The following ABCA12 variants were observed in gnomAD, a reference collection of about 807,000 sequenced individuals.
The protein encoded by ABCA12 is ATP binding cassette subfamily A member 12.
In ABCA12, 156 loss-of-function variants were observed where a neutral mutation model predicts 293.5. The observed-to-expected ratio is 0.53, with a 90% CI of 0.47 to 0.61. The LOEUF (loss-of-function observed/expected upper bound fraction) is 0.61. Ranked by LOEUF, ABCA12 falls within the 20% of genes least tolerant of loss-of-function variation. The probability of loss-of-function intolerance (pLI) is 0.00; values close to 1 mark genes in which losing one functional copy is unlikely to be tolerated. For synonymous variants in ABCA12, 1,063 were observed against 1,108.0 expected (o/e 0.96, Z 0.81); for missense variants, 2,797 against 3,090.2 (o/e 0.91, Z 2.25).
intron 19 of ABCA12, among the ~76,000 whole-genome samples, chr2:215,006,735 T>C (rs1321776920): frequency 6.6e-6 from 1 of 152,144 alleles, no homozygotes; most frequent in Non-Finnish European, 1.5e-5. Context: ...TCCTAGGTTG[T>C]CACCATTCCT....
chr2:215,014,785 T>C (rs1382847568), intron 15 of ABCA12, among the ~76,000 whole-genome samples: 1 of 152,218 alleles, frequency 6.6e-6, no homozygotes, highest in Non-Finnish European at 1.5e-5. Flanking sequence ...AGCTATTTCC[T>C]TTTGGTTGTG....
At position 214,959,073 on chromosome 2, in the gene ABCA12, T is replaced by TC; in HGVS notation, c.5889_5890insG (p.Ile1964AspfsTer4). On this transcript the variant is annotated frameshift_variant, in exon 40 of 53. Transcript: ENST00000272895. LOFTEE classifies it high-confidence loss of function. The stretch of plus-strand genomic sequence containing the variant: ...CCTGGATAAGGATGGCTATACATGA[T>TC]GATGCCTTAAAGACGAAACAGTTCT... The TC allele has an allele frequency of 6.2e-7, 1 of 1,613,836 alleles. No individual in the cohort carries two copies. Among genetic ancestry groups the TC allele is most frequent in the Non-Finnish European group, 8.5e-7 (1 of 1,179,734 alleles).
At chr2:215,110,868 A>C (rs1028598630) in intron 2 of ABCA12, among the ~76,000 whole-genome samples, 1 of 152,242 alleles carries the variant, frequency 6.6e-6, no homozygotes, top group Non-Finnish European at 1.5e-5. Context: ...TTGTGAAGCA[A>C]GAAGTGTCTG....
chr2:215,020,902 A>T (rs1307536304), intron 11 of ABCA12: 1 of 152,074 alleles, frequency 6.6e-6, no homozygotes, highest in Non-Finnish European at 1.5e-5. Context: ...AATGGAGTAC[A>T]TTGGCACGAT....
intron 9 of ABCA12, among the ~76,000 whole-genome samples, chr2:215,030,581 GC>G (rs1206525418): frequency 3.3e-5 from 5 of 149,284 alleles, no homozygotes; most frequent in Non-Finnish European, 7.4e-5. Context: ...TCCAGCCTGG[GC>G]GACAGAGCCA....
chr2:214,983,053 A>C (rs943164763), intron 29 of ABCA12, among the ~76,000 whole-genome samples: 2 of 152,140 alleles, frequency 1.3e-5, no homozygotes, highest in Non-Finnish European at 2.9e-5. Context: ...GAGAAGAGAA[A>C]GTAAAAAGCC....
chr2:215,116,798 C>T (rs560204232), intron 1 of ABCA12, among the ~76,000 whole-genome samples: 1 of 152,164 alleles, frequency 6.6e-6, no homozygotes, highest in African/African-American at 2.4e-5. Context: ...TGAATAATAA[C>T]CTGACTCAAA....
At chr2:215,005,112 C>A (rs887231589) in intron 19 of ABCA12, among the ~76,000 whole-genome samples, 56 of 152,092 alleles carry the variant, frequency 3.7e-4, no homozygotes, top group African/African-American at 1.3e-3. Flanking sequence ...TTTAACTTGA[C>A]TTTCTCACTT....
intron 8 of ABCA12, among the ~76,000 whole-genome samples, chr2:215,035,357 C>T (rs1401504411): frequency 1.3e-5 from 2 of 152,072 alleles, no homozygotes; most frequent in African/African-American, 4.8e-5. Context: ...TCTTCTTGAC[C>T]ATCCAATGAC....
intron 40 of ABCA12, 42 bp from the exon 41 acceptor site, chr2:214,958,496 T>C: frequency 6.3e-7 from 1 of 1,597,966 alleles, no homozygotes; most frequent in Non-Finnish European, 8.6e-7. Flanking sequence ...CATAAGTTTT[T>C]GAAACTCTTT....
chr2:215,105,967 T>C (rs2106122119), intron 2 of ABCA12, among the ~76,000 whole-genome samples: 1 of 152,196 alleles, frequency 6.6e-6, no homozygotes, highest in East Asian at 1.9e-4. Flanking sequence ...CCAATCAAGA[T>C]AGCAAATGAA....
intron 41 of ABCA12, 130 bp from the exon 42 acceptor site, chr2:214,956,908 T>A (rs1178171265): frequency 6.0e-6 from 4 of 669,226 alleles, no homozygotes; most frequent in Non-Finnish European, 1.1e-5. Flanking sequence ...AATTCTTATT[T>A]ATGTTCCCAT....
chr2:215,026,942 C>A lies in ABCA12; in HGVS notation c.1062-4G>T, dbSNP rs375561035. 4 of 1,542,640 alleles carry A rather than the reference C, an allele frequency of 2.6e-6. No individual in the cohort carries two copies. In the African/African-American group the frequency reaches 4.1e-5, roughly 16 times the overall value. On this transcript the variant is annotated splice_region_variant and splice_polypyrimidine_tract_variant and intron_variant, in intron 9 of 52. Transcript: ENST00000272895. The stretch of plus-strand genomic sequence containing the variant: ...AAAGTTTTCCAGAATTAGGAGCCTG[C>A]AGAATTAGAAAAGAATATAGAAATT...
In ABCA12 at chr2:214,990,721, T is replaced by C. The variant is rs2105976479; in HGVS notation, c.3605A>G (p.Tyr1202Cys). Reference sequence around the variant, plus strand: ...ACTTACCATGAACACTTTCAATACATAGCTCAACTCATTCTCCACTGTAAC... The same window carrying C: ...ACTTACCATGAACACTTTCAATACACAGCTCAACTCATTCTCCACTGTAAC... ...VLVTVENELS[Y>C]VLKVFMSLLS... The change falls in exon 24 of 53, where the codon TAT becomes TGT. Residue 1202 changes from tyrosine to cysteine, a missense_variant. By Grantham distance (194) the Tyr-to-Cys change is radical. Transcript: ENST00000272895. The C allele has an allele frequency of 1.9e-6, 3 of 1,614,036 alleles. No individual in the cohort carries two copies. The highest frequency in any genetic ancestry group is 3.3e-4 in the Middle Eastern group (2 of 6,062).
At chr2:215,001,522 AAAG>A in intron 21 of ABCA12, 33 bp downstream of exon 21, 2 of 1,612,988 alleles carry the variant, frequency 1.2e-6, no homozygotes, top group Non-Finnish European at 1.7e-6. Flanking sequence ...ATTTTAGCAC[AAAG>A]AGATGCTCAA....
intron 20 of ABCA12, among the ~76,000 whole-genome samples, chr2:215,002,906 T>C (rs1447233836): frequency 1.3e-5 from 2 of 152,232 alleles, no homozygotes; most frequent in Non-Finnish European, 2.9e-5. Context: ...ATTCTTAGCC[T>C]CACTTCCTAG....
At chr2:215,016,226 G>A (rs1290100461) in intron 14 of ABCA12, among the ~76,000 whole-genome samples, 1 of 151,918 alleles carries the variant, frequency 6.6e-6, no homozygotes, top group Non-Finnish European at 1.5e-5. Flanking sequence ...GAACAGCTGG[G>A]TGAATGATGA....
chr2:215,046,058 C>T (rs1226073878), intron 6 of ABCA12, 43 bp from the exon 7 acceptor site: 1 of 1,585,380 alleles, frequency 6.3e-7, no homozygotes, highest in Non-Finnish European at 8.6e-7. Flanking sequence ...GAGACTTTAA[C>T]ATTTGTAATC....
At chr2:215,104,327 T>C (rs1702418549) in intron 2 of ABCA12, among the ~76,000 whole-genome samples, 1 of 152,348 alleles carries the variant, frequency 6.6e-6, no homozygotes, top group Non-Finnish European at 1.5e-5. Context: ...TGTGCAATTC[T>C]GTTTACTGAG....
Sources: gnomAD v4.1 joint callset for allele counts (sites outside exome capture counted in the v4.1 genomes callset) on GRCh38, gnomAD v4.1.1 for gene constraint, MANE v1.5 for transcripts, NCBI Gene and HGNC (gene_info 2026-07-23, HGNC 2026-07-21) for gene names.